Variants in CLEC12A observed in about 807,000 individuals in gnomAD.
CLEC12A encodes C-type lectin domain family 12 member A.
Under a neutral mutation model 26.5 loss-of-function variants are expected in CLEC12A, and 22 were observed. That is an observed-to-expected ratio of 0.83 (90% CI 0.59 to 1.19). CLEC12A has a LOEUF of 1.19. CLEC12A is among the 50% of genes most tolerant of loss of function. The probability of loss-of-function intolerance (pLI) is 0.00; values close to 1 mark genes in which losing one functional copy is unlikely to be tolerated. For synonymous variants in CLEC12A, 119 were observed against 101.9 expected (o/e 1.17, Z -1.01); for missense variants, 353 against 315.6 (o/e 1.12, Z -0.90).
At chr12:9,971,808 G>A in intron 1 of CLEC12A, 121 bp downstream of exon 1, 3 of 814,538 alleles carry the variant, frequency 3.7e-6, no homozygotes, top group Non-Finnish European at 5.3e-6. Context: ...AGTCTCTTAT[G>A]TTTAAGCAAA....
chr12:9,995,233 GC>G (rs750015625), exon 5 of CLEC12A: 1 of 1,612,444 alleles, frequency 6.2e-7, no homozygotes, highest in Non-Finnish European at 8.5e-7. Flanking sequence ...ATGAGTCCTG[GC>G]TTTGATGTAC....
intron 1 of CLEC12A, chr12:9,951,487 C>T: frequency 1.5e-6 from 1 of 685,382 alleles, no homozygotes. Context: ...TGTTCCAGTT[C>T]AGACACTCTT....
chr12:9,998,300 C>A (rs1865100582), downstream of CLEC12A: 3 of 1,614,040 alleles, frequency 1.9e-6, no homozygotes, highest in African/African-American at 1.3e-5. Flanking sequence ...CCCAGAGCCA[C>A]CAGCCCGACA....
At chr12:9,966,344 C>A (rs897160112) in intron 1 of CLEC12A, among the ~76,000 whole-genome samples, 1 of 152,078 alleles carries the variant, frequency 6.6e-6, no homozygotes, top group Non-Finnish European at 1.5e-5. Context: ...GTTGTTAAGC[C>A]GAGAAGATCT....
chr12:9,975,093 A>T (rs530166864), intron 1 of CLEC12A, among the ~76,000 whole-genome samples: 17 of 152,318 alleles, frequency 1.1e-4, no homozygotes, highest in Admixed American at 3.3e-4. Flanking sequence ...ACATGGAACC[A>T]TGAGTCCATT....
At chr12:9,993,227 T>C in intron 4 of CLEC12A, 1 of 1,612,848 alleles carries the variant, frequency 6.2e-7, no homozygotes, top group Non-Finnish European at 8.5e-7. Context: ...TAGGGTGCAT[T>C]TTCCCATTAT....
chr12:9,993,016 A>T (rs952094557), intron 4 of CLEC12A: 3 of 815,724 alleles, frequency 3.7e-6, no homozygotes, highest in Non-Finnish European at 5.8e-6. Context: ...TAGGAAAGAT[A>T]ATATTAAAAA....
chr12:9,989,172 C>A (rs929991047), downstream of CLEC12A, among the ~76,000 whole-genome samples: 5 of 138,694 alleles, frequency 3.6e-5, no homozygotes, highest in Non-Finnish European at 7.6e-5. Context: ...ATGAGAACAC[C>A]TGGACACAGG....
rs760451655 is a variant in CLEC12A at position 9,979,024 on chromosome 12, C to T, written c.150C>T (p.Cys50=). ...RPAALFLTLL[C]LLLLIGLGVL... ...CAGCCTTGTTTCTGACTCTTCTGTGCCTTCTGTTGCTCATTGGATTGGGAG... is the reference window on the plus strand; with the variant it reads ...CAGCCTTGTTTCTGACTCTTCTGTGTCTTCTGTTGCTCATTGGATTGGGAG... The change falls in exon 2 of 6, where the codon TGC becomes TGT. Residue 50 remains cysteine (C), a synonymous_variant. Coordinates refer to ENST00000304361, the MANE Select transcript of CLEC12A (RefSeq NM_138337.6). The T allele has an allele frequency of 6.2e-7, 1 of 1,613,922 alleles. No individual in the cohort carries two copies. The highest frequency in any genetic ancestry group is 8.5e-7 in the Non-Finnish European group (1 of 1,179,860).
chr12:9,960,805 G>A (rs1236234644), intron 1 of CLEC12A, among the ~76,000 whole-genome samples: 1 of 152,190 alleles, frequency 6.6e-6, no homozygotes, highest in Non-Finnish European at 1.5e-5. Context: ...TTTCAGGCAA[G>A]GAACTGAAAC....
chr12:9,962,236 T>G (rs897347164), intron 1 of CLEC12A, among the ~76,000 whole-genome samples: 4 of 151,442 alleles, frequency 2.6e-5, no homozygotes, highest in Non-Finnish European at 5.9e-5. Flanking sequence ...TTCCTTTTAA[T>G]GTATAACCGG....
chr12:9,996,222 T>A (rs1204412644), downstream of CLEC12A, among the ~76,000 whole-genome samples: 1 of 152,190 alleles, frequency 6.6e-6, no homozygotes, highest in Non-Finnish European at 1.5e-5. Flanking sequence ...AATATTTTCT[T>A]TAAAATATAT....
intron 1 of CLEC12A, among the ~76,000 whole-genome samples, chr12:9,974,522 A>C (rs755254530): frequency 3.3e-5 from 5 of 152,168 alleles, no homozygotes; most frequent in Non-Finnish European, 7.3e-5. Context: ...AAATGTCAAA[A>C]ATAGTAATAT....
chr12:9,980,447 A>AT, intron 3 of CLEC12A, 135 bp from the exon 4 acceptor site: 6 of 950,918 alleles, frequency 6.3e-6, no homozygotes, highest in Non-Finnish European at 9.2e-6. Context: ...AAAAAAAAAA[A>AT]AGGGGGAAAG....
At chr12:9,965,108 T>A (rs1279925966) in intron 1 of CLEC12A, among the ~76,000 whole-genome samples, 1 of 152,002 alleles carries the variant, frequency 6.6e-6, no homozygotes. Flanking sequence ...TTGGGCATAG[T>A]TTGTGATTTT....
chr12:9,965,474 G>A (rs1273617445), intron 1 of CLEC12A, among the ~76,000 whole-genome samples: 1 of 150,586 alleles, frequency 6.6e-6, no homozygotes, highest in Admixed American at 6.6e-5. Context: ...TGCTGAGTCT[G>A]ATGGGTGTCA....
chr12:9,979,193 A>G (rs1292284517), intron 2 of CLEC12A, 129 bp downstream of exon 2: 11 of 966,180 alleles, frequency 1.1e-5, no homozygotes, highest in Non-Finnish European at 9.6e-6. Flanking sequence ...AGGACTTACA[A>G]TGTGGAACTT....
downstream of CLEC12A, chr12:9,997,347 T>C (rs142926357): frequency 8.7e-4 from 1,245 of 1,426,516 alleles, 6 homozygotes; most frequent in African/African-American, 0.013. Context: ...AGGTCTGTCA[T>C]TGAATTTTCA....
chr12:9,982,169 G>T lies in CLEC12A; in HGVS notation c.641+40G>T, dbSNP rs1183263257. On this transcript the variant is annotated intron_variant, in intron 5 of 5. Transcript: ENST00000304361. ...TTGTTAGAATTTTATAGCTGGGTTT[G>T]AGTAGAGGTATTTTCCTTAGGAGCA... 6.4e-6 allele frequency: 7 copies of T among 1,093,928 alleles called. No homozygotes were observed. The Middle Eastern group carries it at 9.9e-4, about 155-fold the overall frequency. The allele number at this position is 1,093,928 out of a possible 1,614,324, so 67.8% of individuals were successfully genotyped here.
Sources: gnomAD v4.1 joint callset for allele counts (sites outside exome capture counted in the v4.1 genomes callset) on GRCh38, gnomAD v4.1.1 for gene constraint, MANE v1.5 for transcripts, NCBI Gene and HGNC (gene_info 2026-07-23, HGNC 2026-07-21) for gene names.